CTNNA2: variants seen among roughly 807,000 people sequenced by gnomAD.
CTNNA2 encodes the protein catenin alpha-2.
In CTNNA2, 42 loss-of-function variants were observed where a neutral mutation model predicts 101.0. The observed-to-expected ratio is 0.42, with a 90% CI of 0.32 to 0.54. The LOEUF (loss-of-function observed/expected upper bound fraction) is 0.54. Among genes scored for constraint, CTNNA2 ranks in the 20% least tolerant of loss-of-function variants. The pLI, the probability that CTNNA2 is intolerant of heterozygous loss-of-function variation, is 0.14. For missense variants in CTNNA2, 871 were observed against 1,223.1 expected (o/e 0.71, Z 4.29); for synonymous variants, 450 against 456.4 (o/e 0.99, Z 0.18).
At chr2:79,512,911 C>G (rs1671598378), upstream of CTNNA2, 1 of 151,468 alleles carries the variant, frequency 6.6e-6, no homozygotes. Flanking sequence ...CAAGCGGCCG[C>G]GCATGCGCAC....
At chr2:80,393,604 G>A (rs1677727811) in intron 8 of CTNNA2, among the ~76,000 whole-genome samples, 1 of 152,136 alleles carries the variant, frequency 6.6e-6, no homozygotes, top group Admixed American at 6.5e-5. Context: ...TATGCCAAGA[G>A]CCTGCCTCTG....
chr2:79,466,342 C>T (rs938934120), intron 4 of CTNNA2, among the ~76,000 whole-genome samples: 1 of 152,182 alleles, frequency 6.6e-6, no homozygotes, highest in Non-Finnish European at 1.5e-5. Flanking sequence ...GGGGTCCCCG[C>T]CATTGCTGAG....
chr2:79,226,079 A>T (rs770774411), intron 2 of CTNNA2, among the ~76,000 whole-genome samples: 3 of 152,160 alleles, frequency 2.0e-5, no homozygotes, highest in Non-Finnish European at 4.4e-5. Flanking sequence ...TGGACTTTGA[A>T]GCACCCTGGA....
intron 7 of CTNNA2, among the ~76,000 whole-genome samples, chr2:80,035,805 C>T (rs1407560713): frequency 6.6e-6 from 1 of 152,138 alleles, no homozygotes; most frequent in African/African-American, 2.4e-5. Context: ...CCTTCAGTAC[C>T]TAGGAAGACA....
chr2:79,551,733 A>G (rs796410782), intron 1 of CTNNA2, among the ~76,000 whole-genome samples: 10 of 152,250 alleles, frequency 6.6e-5, no homozygotes, highest in African/African-American at 2.4e-4. Context: ...GCTTACAATC[A>G]TGGTGGAAGG....
chr2:80,308,772 A>G (rs1677262553), intron 7 of CTNNA2, among the ~76,000 whole-genome samples: 1 of 152,294 alleles, frequency 6.6e-6, no homozygotes, highest in South Asian at 2.1e-4. Flanking sequence ...AAATGAATTA[A>G]TAATAATAAA....
intron 7 of CTNNA2, among the ~76,000 whole-genome samples, chr2:80,257,670 C>T (rs1672278869): frequency 6.6e-6 from 1 of 152,204 alleles, no homozygotes; most frequent in Non-Finnish European, 1.5e-5. Flanking sequence ...CAGTGCAGCT[C>T]AGTCCTAAAC....
chr2:79,529,754 C>T (rs556782178), intron 1 of CTNNA2, among the ~76,000 whole-genome samples: 24 of 151,714 alleles, frequency 1.6e-4, no homozygotes, highest in Non-Finnish European at 3.2e-4. Context: ...GGATTTTTAG[C>T]CAAAGCATAC....
intron 7 of CTNNA2, among the ~76,000 whole-genome samples, chr2:80,277,936 C>G (rs1281823601): frequency 6.6e-6 from 1 of 152,104 alleles, no homozygotes; most frequent in Non-Finnish European, 1.5e-5. Context: ...TTAAGCCAAC[C>G]TAATTCTTGC....
chr2:80,358,460 C>T lies in CTNNA2; in HGVS notation c.1057-34751C>T, dbSNP rs539424675. Among the ~76,000 whole-genome samples the T allele has an allele frequency of 5.3e-5, 8 of 150,288 alleles. 1 individual carries two copies. The highest frequency in any genetic ancestry group is 3.4e-4 in the Admixed American group (5 of 14,918). On this transcript the variant is annotated intron_variant, in intron 7 of 18. Transcript: ENST00000402739. Reference sequence around the variant, plus strand: ...CTGCCTCCCAGGTTCAAGCAATTCTCCTGCCTCAGCCTCCTGAGTAGCTGG... The same window carrying T: ...CTGCCTCCCAGGTTCAAGCAATTCTTCTGCCTCAGCCTCCTGAGTAGCTGG...
chr2:80,556,483 A>G (rs1693040578), intron 12 of CTNNA2, among the ~76,000 whole-genome samples: 1 of 152,288 alleles, frequency 6.6e-6, no homozygotes, highest in Admixed American at 6.5e-5. Flanking sequence ...GGAAAGCTTT[A>G]CATGCCCTTC....
intron 17 of CTNNA2, among the ~76,000 whole-genome samples, chr2:80,609,569 T>C (rs1440812221): frequency 6.6e-6 from 1 of 151,762 alleles, no homozygotes; most frequent in African/African-American, 2.4e-5. Context: ...GCCAAGCTGG[T>C]AATTACCAAG....
intron 11 of CTNNA2, among the ~76,000 whole-genome samples, chr2:80,553,725 A>C (rs1692784743): frequency 6.6e-6 from 1 of 152,190 alleles, no homozygotes; most frequent in South Asian, 2.1e-4. Context: ...ACTTACTCTC[A>C]AGGGCCAGGA....
intron 1 of CTNNA2, among the ~76,000 whole-genome samples, chr2:79,584,418 A>C (rs958170038): frequency 2.6e-5 from 4 of 151,820 alleles, no homozygotes; most frequent in Admixed American, 6.6e-5. Flanking sequence ...CTGGGTTTTT[A>C]ATATATTCAG....
intron 3 of CTNNA2, among the ~76,000 whole-genome samples, chr2:79,750,578 A>G (rs1446106069): frequency 6.6e-6 from 1 of 152,222 alleles, no homozygotes; most frequent in Non-Finnish European, 1.5e-5. Context: ...GTAGGTAGGT[A>G]AGGGCCGGGC....
At position 79,674,796 on chromosome 2, in the gene CTNNA2, C is replaced by G. The variant is rs569767712; in HGVS notation, c.102+23138C>G. On this transcript the variant is annotated intron_variant, in intron 2 of 18. Coordinates refer to ENST00000402739, the MANE Select transcript of CTNNA2 (RefSeq NM_001282597.3). ...ACTTTTTGTTATTGGCAACCAAAACCGAAATTCAAGAAACAATCCCATTTT... is the reference window on the plus strand; with the variant it reads ...ACTTTTTGTTATTGGCAACCAAAACGGAAATTCAAGAAACAATCCCATTTT... Among the ~76,000 whole-genome samples the G allele has an allele frequency of 9.5e-4, 145 of 152,162 alleles. 1 individual carries two copies. Among genetic ancestry groups the G allele is most frequent in the African/African-American group, 3.3e-3 (137 of 41,546 alleles).
chr2:80,012,466 C>T (rs1003016365), intron 7 of CTNNA2, among the ~76,000 whole-genome samples: 1 of 152,018 alleles, frequency 6.6e-6, no homozygotes, highest in Non-Finnish European at 1.5e-5. Flanking sequence ...AGGTATCTGC[C>T]CACCAAAGTA....
At chr2:80,436,594 C>T (rs1682054134) in intron 9 of CTNNA2, among the ~76,000 whole-genome samples, 1 of 152,062 alleles carries the variant, frequency 6.6e-6, no homozygotes, top group Non-Finnish European at 1.5e-5. Context: ...GAACAAAATA[C>T]CTTAGACTGG....
chr2:79,438,112 C>T (rs1337043243), intron 4 of CTNNA2, among the ~76,000 whole-genome samples: 2 of 146,606 alleles, frequency 1.4e-5, no homozygotes, highest in East Asian at 4.3e-4. Flanking sequence ...TCGGTAACCC[C>T]TAGCAGCAGG....
Sources: allele counts gnomAD v4.1 joint callset (sites outside exome capture counted in the v4.1 genomes callset), GRCh38; gene constraint gnomAD v4.1.1; transcripts MANE v1.5; gene names NCBI Gene and HGNC (gene_info 2026-07-23, HGNC 2026-07-21).